Variants in LINGO2 observed in about 807,000 individuals in gnomAD.
LINGO2 encodes the protein leucine-rich repeat and immunoglobulin-like domain-containing nogo receptor-interacting protein 2.
LINGO2 carries 14 observed loss-of-function variants against 30.6 expected under a neutral mutation model. The ratio of observed to expected loss-of-function variants is 0.46; its 90% CI spans 0.30 to 0.72. The LOEUF (loss-of-function observed/expected upper bound fraction) is 0.72. LINGO2 is among the 30% of genes least tolerant of loss of function. The pLI is 0.07. For missense variants in LINGO2, 729 were observed against 751.7 expected, an observed-to-expected ratio of 0.97 and a Z score of 0.35; for synonymous variants, 317 against 288.5, an observed-to-expected ratio of 1.10 and a Z score of -1.00.
intron 1 of LINGO2, among the ~76,000 whole-genome samples, chr9:28,513,761 G>A (rs1820509143): frequency 6.6e-6 from 1 of 152,144 alleles, no homozygotes; most frequent in East Asian, 1.9e-4. Flanking sequence ...ACCCAATAAA[G>A]TATTTTGAAG....
chr9:29,118,731 A>C, the LINGO2 span, among the ~76,000 whole-genome samples: 1 of 152,044 alleles, frequency 6.6e-6, no homozygotes, highest in African/African-American at 2.4e-5. Context: ...ACCTGGGAGG[A>C]GTCATGCTCG....
chr9:28,365,842 T>C (rs902928476), intron 3 of LINGO2, among the ~76,000 whole-genome samples: 6 of 150,508 alleles, frequency 4.0e-5, no homozygotes, highest in Non-Finnish European at 7.4e-5. Context: ...GAGACTACTC[T>C]GGAGGCCTTA....
At chr9:28,844,231 G>A in the LINGO2 span, among the ~76,000 whole-genome samples, 9 of 151,654 alleles carry the variant, frequency 5.9e-5, no homozygotes, top group African/African-American at 9.7e-5. Context: ...GCATGGCGGC[G>A]CACACCTGTT....
At chr9:28,879,502 C>T in the LINGO2 span, among the ~76,000 whole-genome samples, 59,285 of 151,954 alleles carry the variant, frequency 0.39, 13,028 homozygotes, top group African/African-American at 0.61. Flanking sequence ...AAATTTCATA[C>T]ACAGCTAGAT....
At chr9:28,355,182 T>C (rs1001190987) in intron 3 of LINGO2, among the ~76,000 whole-genome samples, 2 of 152,106 alleles carry the variant, frequency 1.3e-5, no homozygotes, top group African/African-American at 2.4e-5. Context: ...CTATTTTTTT[T>C]CTTCATTGCC....
the LINGO2 span, among the ~76,000 whole-genome samples, chr9:28,782,120 T>C: frequency 6.6e-6 from 1 of 152,160 alleles, no homozygotes; most frequent in Non-Finnish European, 1.5e-5. Flanking sequence ...AAAATATATA[T>C]ATATATCTTA....
chr9:27,948,744 C>A, exon 6 of LINGO2: 1 of 1,298,914 alleles, frequency 7.7e-7, no homozygotes, highest in Non-Finnish European at 1.1e-6. Flanking sequence ...GCTTTTGATA[C>A]AGGGGCAGCT....
intron 4 of LINGO2, among the ~76,000 whole-genome samples, chr9:28,167,907 T>C (rs367988308): frequency 3.2e-4 from 49 of 152,328 alleles, no homozygotes; most frequent in African/African-American, 1.1e-3. Context: ...TCTCCACACA[T>C]TGGGAGGCTT....
At chr9:28,932,125 A>AATAAG in the LINGO2 span, among the ~76,000 whole-genome samples, 10 of 137,852 alleles carry the variant, frequency 7.3e-5, no homozygotes, top group Admixed American at 7.9e-4. Flanking sequence ...AATAAAATAA[A>AATAAG]ATAAAATAAG....
At chr9:28,861,991 C>T in the LINGO2 span, among the ~76,000 whole-genome samples, 19 of 152,212 alleles carry the variant, frequency 1.2e-4, 1 homozygote, top group South Asian at 3.9e-3. Context: ...ATTGTGACTT[C>T]CTTCTAAATT....
At chr9:29,145,434 T>A in the LINGO2 span, among the ~76,000 whole-genome samples, 1 of 152,072 alleles carries the variant, frequency 6.6e-6, no homozygotes, top group African/African-American at 2.4e-5. Context: ...TTTTTTTTCC[T>A]TTGGTGGCCA....
intron 4 of LINGO2, among the ~76,000 whole-genome samples, chr9:28,213,373 A>G (rs1466628227): frequency 6.6e-6 from 1 of 151,480 alleles, no homozygotes; most frequent in Non-Finnish European, 1.5e-5. Context: ...GAAATAGTCC[A>G]TGCAGCCACA....
chr9:28,407,871 T>G lies in LINGO2; in HGVS notation c.-278-35003A>C, dbSNP rs557531084. Among the ~76,000 whole-genome samples the G allele has an allele frequency of 4.9e-4, 74 of 152,220 alleles. 1 individual carries two copies. In the South Asian group the frequency reaches 7.0e-3, roughly 14 times the overall value. ...GACCATAAGATTCACCCCAATGAAG[T>G]CTTCTTTGTTGGCCAAAGCATTCTA... On this transcript the variant is annotated intron_variant, in intron 2 of 5. Transcript: ENST00000379992.
chr9:28,986,667 A>C, the LINGO2 span, among the ~76,000 whole-genome samples: 1 of 152,008 alleles, frequency 6.6e-6, no homozygotes, highest in Admixed American at 6.6e-5. Flanking sequence ...CCCATTGTTA[A>C]TTGAAAATAT....
chr9:28,175,581 T>C lies in LINGO2; in HGVS notation c.-87+119627A>G, dbSNP rs531378563. 5.9e-5 allele frequency among the ~76,000 whole-genome samples: 9 copies of C among 152,308 alleles called. No individual in the cohort carries two copies. In the South Asian group the frequency reaches 1.9e-3, roughly 32 times the overall value. ...TAATTTTGTTATTATTCATGTAATA[T>C]AGATTATATGCCAATATTGGGAACT... On this transcript the variant is annotated intron_variant, in intron 4 of 5. Coordinates refer to ENST00000379992, the Ensembl canonical transcript of LINGO2.
the LINGO2 span, among the ~76,000 whole-genome samples, chr9:29,153,424 C>A: frequency 1.3e-5 from 2 of 151,926 alleles, no homozygotes; most frequent in Non-Finnish European, 2.9e-5. Flanking sequence ...TTGCTAGAAC[C>A]GTAATTTTGG....
At chr9:28,262,603 T>C (rs1564081647) in intron 4 of LINGO2, among the ~76,000 whole-genome samples, 1 of 151,938 alleles carries the variant, frequency 6.6e-6, no homozygotes, top group African/African-American at 2.4e-5. Context: ...ACACAGTATA[T>C]GTGAGAAAAC....
chr9:29,173,683 A>G, the LINGO2 span, among the ~76,000 whole-genome samples: 1 of 152,144 alleles, frequency 6.6e-6, no homozygotes. Flanking sequence ...CATTCTTTTA[A>G]AAAGAAATTA....
chr9:28,883,934 T>A, the LINGO2 span, among the ~76,000 whole-genome samples: 2 of 151,094 alleles, frequency 1.3e-5, no homozygotes, highest in African/African-American at 4.9e-5. Flanking sequence ...AGCCTCAGCC[T>A]CCCAAAGTGC....
Sources: allele counts gnomAD v4.1 joint callset (sites outside exome capture counted in the v4.1 genomes callset), GRCh38; gene constraint gnomAD v4.1.1; transcripts MANE v1.5; gene names NCBI Gene and HGNC (gene_info 2026-07-23, HGNC 2026-07-21).